Variants in DCDC2 observed in about 807,000 individuals in gnomAD.
DCDC2 encodes the protein doublecortin domain-containing protein 2.
In DCDC2, 40 loss-of-function variants were observed where a neutral mutation model predicts 50.2. The ratio of observed to expected loss-of-function variants is 0.80; its 90% CI spans 0.62 to 1.04. DCDC2 has a LOEUF of 1.04. Ranked by LOEUF, DCDC2 falls within the 50% of genes least tolerant of loss-of-function variation. The pLI, the probability that DCDC2 is intolerant of heterozygous loss-of-function variation, is 0.00. For missense variants in DCDC2, 570 were observed against 581.9 expected (o/e 0.98, Z 0.21); for synonymous variants, 234 against 210.6 (o/e 1.11, Z -0.96).
chr6:24,210,103 TG>T lies in DCDC2; in HGVS notation c.923-5002del, dbSNP rs1761833750. 2.0e-5 allele frequency among the ~76,000 whole-genome samples: 3 copies of T among 151,654 alleles called. No homozygotes were observed. In the South Asian group the frequency reaches 6.3e-4, roughly 32 times the overall value. ...GCCTGCCTGTCTGTCTTCACCCTCCTGGTTTTACCAGAAGTTTCTCCTAAGT... is the reference window on the plus strand; with the variant it reads ...GCCTGCCTGTCTGTCTTCACCCTCCTGTTTTACCAGAAGTTTCTCCTAAGT... On this transcript the variant is annotated intron_variant, in intron 7 of 9. Coordinates refer to ENST00000378454, the MANE Select transcript of DCDC2 (RefSeq NM_016356.5).
intron 7 of DCDC2, among the ~76,000 whole-genome samples, chr6:24,264,698 G>T (rs562569312): frequency 6.6e-6 from 1 of 151,290 alleles, no homozygotes. Context: ...CTAAAAGGAA[G>T]ACAGAAGAGA....
At chr6:24,267,774 C>A (rs1561750633) in intron 7 of DCDC2, among the ~76,000 whole-genome samples, 1 of 152,172 alleles carries the variant, frequency 6.6e-6, no homozygotes, top group Non-Finnish European at 1.5e-5. Context: ...CTGAGGACTC[C>A]ACAAGGGAAC....
At chr6:24,331,839 T>A (rs1052131893) in intron 2 of DCDC2, among the ~76,000 whole-genome samples, 3 of 152,112 alleles carry the variant, frequency 2.0e-5, no homozygotes, top group African/African-American at 7.2e-5. Flanking sequence ...CAGGAAAAAA[T>A]TTCCAAAAGA....
the DCDC2 span, among the ~76,000 whole-genome samples, chr6:24,374,035 G>A: frequency 6.6e-6 from 1 of 151,842 alleles, no homozygotes; most frequent in Non-Finnish European, 1.5e-5. Flanking sequence ...GGTGGCGGGC[G>A]CCTGTAGTTC....
At chr6:24,301,486 G>T (rs1346701165) in intron 4 of DCDC2, among the ~76,000 whole-genome samples, 2 of 149,194 alleles carry the variant, frequency 1.3e-5, no homozygotes, top group Admixed American at 1.3e-4. Context: ...GTTAATATTT[G>T]TAGATGTGCT....
At chr6:24,204,868 G>A in intron 8 of DCDC2, 134 bp downstream of exon 8, 2 of 782,772 alleles carry the variant, frequency 2.6e-6, no homozygotes. Context: ...ATGTTTTTAA[G>A]GTTGATCAGC....
intron 7 of DCDC2, among the ~76,000 whole-genome samples, chr6:24,259,131 G>A (rs1581616676): frequency 1.0e-5 from 1 of 99,920 alleles, no homozygotes; most frequent in African/African-American, 2.5e-5. Flanking sequence ...TACAAGACAT[G>A]TGAAAAAAAA....
the DCDC2 span, among the ~76,000 whole-genome samples, chr6:24,378,085 T>G: frequency 6.6e-6 from 1 of 152,222 alleles, no homozygotes. Context: ...TCTTCTTTCT[T>G]GTCCAAATAG....
chr6:24,374,503 C>A, the DCDC2 span, among the ~76,000 whole-genome samples: 10 of 133,894 alleles, frequency 7.5e-5, no homozygotes, highest in Middle Eastern at 5.4e-3. Flanking sequence ...TTGCTTGAAC[C>A]TGGGAGGTGG....
chr6:24,355,811 T>C (rs1760457065), intron 1 of DCDC2, among the ~76,000 whole-genome samples: 1 of 152,134 alleles, frequency 6.6e-6, no homozygotes, highest in Non-Finnish European at 1.5e-5. Context: ...TACCTAGAAC[T>C]CAATTTAAAC....
intron 2 of DCDC2, among the ~76,000 whole-genome samples, chr6:24,311,728 G>C (rs1053650641): frequency 6.6e-6 from 1 of 152,182 alleles, no homozygotes; most frequent in Non-Finnish European, 1.5e-5. Context: ...AAGCAAAGAA[G>C]CAGTCACATG....
chr6:24,307,459 T>C (rs1441711543), intron 2 of DCDC2, among the ~76,000 whole-genome samples: 1 of 152,214 alleles, frequency 6.6e-6, no homozygotes, highest in Non-Finnish European at 1.5e-5. Flanking sequence ...TTGCAAAATA[T>C]AAGCCAACCT....
chr6:24,217,658 T>C (rs1445296747), intron 7 of DCDC2, among the ~76,000 whole-genome samples: 1 of 152,210 alleles, frequency 6.6e-6, no homozygotes, highest in Non-Finnish European at 1.5e-5. Flanking sequence ...GTGTTTTCAA[T>C]TTAACTGTTC....
At chr6:24,223,946 G>C (rs1264574382) in intron 7 of DCDC2, among the ~76,000 whole-genome samples, 1 of 152,178 alleles carries the variant, frequency 6.6e-6, no homozygotes, top group Non-Finnish European at 1.5e-5. Context: ...AAAAGTGAAA[G>C]TTTCTATTTC....
chr6:24,269,065 A>G (rs1259345058), intron 7 of DCDC2, among the ~76,000 whole-genome samples: 2 of 152,226 alleles, frequency 1.3e-5, no homozygotes, highest in Non-Finnish European at 2.9e-5. Flanking sequence ...AATAAAGGTT[A>G]TATCTTATTT....
chr6:24,276,443 G>A (rs1384360481), intron 7 of DCDC2, among the ~76,000 whole-genome samples: 2 of 151,716 alleles, frequency 1.3e-5, no homozygotes, highest in East Asian at 1.9e-4. Context: ...AGTTTAAGGT[G>A]GATCCTGTTT....
chr6:24,358,936 T>A (rs58011166), upstream of DCDC2, among the ~76,000 whole-genome samples: 287 of 16,876 alleles, frequency 0.017, 4 homozygotes, highest in African/African-American at 0.031. Flanking sequence ...TATTATATAT[T>A]TTATATATTA....
At chr6:24,203,024 T>C (rs370975431) in intron 8 of DCDC2, among the ~76,000 whole-genome samples, 4 of 152,130 alleles carry the variant, frequency 2.6e-5, no homozygotes, top group East Asian at 1.9e-4. Context: ...TTCTTGTGGA[T>C]AGGAAGAATT....
intron 4 of DCDC2, among the ~76,000 whole-genome samples, chr6:24,293,801 T>C (rs1012776562): frequency 3.3e-5 from 5 of 151,700 alleles, no homozygotes; most frequent in African/African-American, 7.3e-5. Flanking sequence ...CCTCAGAAAA[T>C]GTAAAAGAAT....
Sources: allele counts gnomAD v4.1 joint callset (sites outside exome capture counted in the v4.1 genomes callset), GRCh38; gene constraint gnomAD v4.1.1; transcripts MANE v1.5; gene names NCBI Gene and HGNC (gene_info 2026-07-23, HGNC 2026-07-21).